The following PSMG4 variants were observed in gnomAD, a reference collection of about 807,000 sequenced individuals.
PSMG4 encodes the protein proteasome assembly chaperone 4, also known as proteasome (prosome, macropain) assembly chaperone 4.
Under a neutral mutation model 11.0 loss-of-function variants are expected in PSMG4, and 10 were observed. The observed-to-expected ratio is 0.91, with a 90% CI of 0.56 to 1.54. The LOEUF is 1.54. Ranked by LOEUF, PSMG4 falls within the 40% of genes most tolerant of loss-of-function variation. The pLI is 0.00. For synonymous variants in PSMG4, 95 were observed against 71.3 expected (o/e 1.33, Z -1.68); for missense variants, 198 against 160.9 (o/e 1.23, Z -1.25).
chr6:3,254,718 C>G (rs1164730168), upstream of PSMG4, among the ~76,000 whole-genome samples: 5 of 152,092 alleles, frequency 3.3e-5, no homozygotes, highest in African/African-American at 9.7e-5. Flanking sequence ...CGCCTGGACA[C>G]CAGAAAAAAC....
intron 1 of PSMG4, 21 bp from the exon 2 acceptor site, chr6:3,263,663 T>C: frequency 1.3e-6 from 2 of 1,525,090 alleles, no homozygotes; most frequent in East Asian, 2.5e-5. Context: ...AGCTGCAGTG[T>C]GCCCTTTGCT....
chr6:3,262,549 T>G (rs1308298635), intron 1 of PSMG4, among the ~76,000 whole-genome samples: 1 of 152,146 alleles, frequency 6.6e-6, no homozygotes, highest in Non-Finnish European at 1.5e-5. Flanking sequence ...GCTTTGAACC[T>G]TTAGGAGATG....
intron 2 of PSMG4, chr6:3,264,100 G>C (rs1445397222): frequency 2.7e-6 from 4 of 1,498,954 alleles, no homozygotes; most frequent in African/African-American, 1.4e-5. Flanking sequence ...CCCTGTGGGT[G>C]GTGGCTCAAG....
At chr6:3,264,037 T>C (rs947522141) in intron 2 of PSMG4, 12 of 1,396,604 alleles carry the variant, frequency 8.6e-6, no homozygotes, top group East Asian at 5.0e-5. Context: ...TTAGTTGCCT[T>C]CCGTAAGTGC....
chr6:3,266,083 C>T (rs145660442), intron 2 of PSMG4: 2 of 152,306 alleles, frequency 1.3e-5, no homozygotes, highest in South Asian at 2.1e-4. Context: ...TACCCAAGAC[C>T]TTTCCAGCCC....
rs533117460 is a variant in PSMG4, at chr6:3,259,338, G to A, written c.174+142G>A. The A allele has an allele frequency of 3.5e-4, 277 of 792,104 alleles. 1 individual carries two copies. In the African/African-American group the frequency reaches 4.7e-3, roughly 13 times the overall value. 49.1% of individuals were successfully genotyped at this position (792,104 alleles called of 1,614,324 possible). On this transcript the variant is annotated intron_variant, in intron 1 of 2. Transcript: ENST00000438998. ...GAAGCCCACCCGTGGGATGTCTTAGGAAGCCCGCGGGCGCCAGGGCCTGCA... is the reference window on the plus strand; with the variant it reads ...GAAGCCCACCCGTGGGATGTCTTAGAAAGCCCGCGGGCGCCAGGGCCTGCA...
chr6:3,260,809 A>G (rs1048035867), intron 1 of PSMG4, among the ~76,000 whole-genome samples: 2 of 152,208 alleles, frequency 1.3e-5, no homozygotes, highest in African/African-American at 4.8e-5. Flanking sequence ...CTGAAGTTGG[A>G]TATTTTCATT....
intron 1 of PSMG4, among the ~76,000 whole-genome samples, chr6:3,262,835 T>G (rs1174597061): frequency 7.1e-6 from 1 of 141,784 alleles, no homozygotes; most frequent in Non-Finnish European, 1.5e-5. Flanking sequence ...CTTACTTTAT[T>G]TTTTTATTAT....
chr6:3,254,916 T>G (rs1664891336), upstream of PSMG4: 4 of 943,296 alleles, frequency 4.2e-6, no homozygotes, highest in Middle Eastern at 2.8e-4. Flanking sequence ...TCTGAGCTGG[T>G]GCTTCAGCCA....
At chr6:3,264,383 A>G (rs1256748149) in intron 2 of PSMG4, 2 of 1,521,180 alleles carry the variant, frequency 1.3e-6, no homozygotes, top group Non-Finnish European at 1.8e-6. Context: ...CAGTGTGCAC[A>G]GGATGCCTGT....
intron 1 of PSMG4, among the ~76,000 whole-genome samples, chr6:3,260,624 A>T (rs192815639): frequency 2.6e-3 from 401 of 152,272 alleles, no homozygotes; most frequent in Middle Eastern, 0.014. Flanking sequence ...TATAGGCGTT[A>T]GCCGCCGCGC....
upstream of PSMG4, among the ~76,000 whole-genome samples, chr6:3,255,897 T>TAG (rs1581541677): frequency 1.3e-5 from 2 of 152,088 alleles, no homozygotes; most frequent in East Asian, 1.9e-4. Context: ...CTGATTGGGA[T>TAG]AGAAAACACA....
rs1222597661 is a variant in PSMG4 at position 3,267,809 on chromosome 6, T to C, written c.*97T>C. On this transcript the variant is annotated 3_prime_UTR_variant, in exon 3 of 3. Transcript: ENST00000438998. The stretch of plus-strand genomic sequence containing the variant: ...TTGTCATCAGGCCGCGCTCCCGTTT[T>C]GTTTTTAAGGGGTTAATCTTTTGAG... The C allele has an allele frequency of 3.9e-6, 5 of 1,297,006 alleles. No homozygotes were observed. Among genetic ancestry groups the C allele is most frequent in the Non-Finnish European group, 5.3e-6 (5 of 942,878 alleles). The allele number at this position is 1,297,006 out of a possible 1,614,324, so 80.3% of individuals were successfully genotyped here. A position where few individuals can be genotyped will look rare whatever the true frequency, so the allele number is the denominator to read the frequency against.
upstream of PSMG4, chr6:3,255,267 G>GCTGTCTTAC (rs2127252105): frequency 6.5e-7 from 1 of 1,545,268 alleles, no homozygotes; most frequent in Non-Finnish European, 8.7e-7. Context: ...TGTTACCACG[G>GCTGTCTTAC]CTGTCTTACG....
chr6:3,263,243 A>C (rs1758058456), intron 1 of PSMG4, among the ~76,000 whole-genome samples: 1 of 152,230 alleles, frequency 6.6e-6, no homozygotes, highest in Non-Finnish European at 1.5e-5. Context: ...GGCTGAGATG[A>C]GGAGATTAGG....
chr6:3,267,575 T>C lies in PSMG4; in HGVS notation c.251-16T>C. 6.4e-7 allele frequency: 1 copy of C among 1,550,824 alleles called. No homozygotes were observed. The highest frequency in any genetic ancestry group is 1.2e-5 in the South Asian group (1 of 83,934). ...TATTTCAGGAGTGGCTGTATCAATGTGTTTTCTCTTTTTAGCCAGGAAGAC... is the reference window on the plus strand; with the variant it reads ...TATTTCAGGAGTGGCTGTATCAATGCGTTTTCTCTTTTTAGCCAGGAAGAC... On this transcript the variant is annotated splice_polypyrimidine_tract_variant and intron_variant, in intron 2 of 2. Coordinates refer to ENST00000438998, the MANE Select transcript of PSMG4 (RefSeq NM_001128591.2).
At chr6:3,261,358 CTCTT>C (rs1333077123) in intron 1 of PSMG4, among the ~76,000 whole-genome samples, 1 of 152,140 alleles carries the variant, frequency 6.6e-6, no homozygotes, top group African/African-American at 2.4e-5. Context: ...CTCGCATTCT[CTCTT>C]TATCCCAAGG....
At chr6:3,259,346 C>T (rs1757882580) in intron 1 of PSMG4, 150 bp downstream of exon 1, 1 of 728,840 alleles carries the variant, frequency 1.4e-6, no homozygotes. Flanking sequence ...AGGAAGCCCG[C>T]GGGCGCCAGG....
upstream of PSMG4, among the ~76,000 whole-genome samples, chr6:3,258,569 T>C (rs1445253596): frequency 5.3e-5 from 8 of 152,304 alleles, no homozygotes; most frequent in East Asian, 7.7e-4. Flanking sequence ...TTTAATTAAA[T>C]TAATGTCTGT....
Sources: allele counts gnomAD v4.1 joint callset (sites outside exome capture counted in the v4.1 genomes callset), GRCh38; gene constraint gnomAD v4.1.1; transcripts MANE v1.5; gene names NCBI Gene and HGNC (gene_info 2026-07-23, HGNC 2026-07-21).